CADPS: variants seen among roughly 807,000 people sequenced by gnomAD.
The protein encoded by CADPS is calcium dependent secretion activator.
CADPS carries 57 observed loss-of-function variants against 167.3 expected under a neutral mutation model. The observed-to-expected ratio is 0.34, with a 90% CI of 0.28 to 0.42. CADPS has a LOEUF of 0.42. Among genes scored for constraint, CADPS ranks in the 20% least tolerant of loss-of-function variants. The probability of loss-of-function intolerance (pLI) is 1.00; values close to 1 mark genes in which losing one functional copy is unlikely to be tolerated. For synonymous variants in CADPS, 676 were observed against 635.3 expected (o/e 1.06, Z -0.96); for missense variants, 1,414 against 1,738.1 (o/e 0.81, Z 3.32).
At chr3:62,594,134 T>C (rs916009379) in intron 6 of CADPS, among the ~76,000 whole-genome samples, 12 of 150,108 alleles carry the variant, frequency 8.0e-5, no homozygotes, top group African/African-American at 1.2e-4. Context: ...TTTTTTATTT[T>C]TTTTATTTAT....
At chr3:62,441,248 A>G (rs1168338894) in intron 27 of CADPS, 1 of 152,236 alleles carries the variant, frequency 6.6e-6, no homozygotes, top group Non-Finnish European at 1.5e-5. Flanking sequence ...GACTGATTGA[A>G]TATGACACAG....
At chr3:62,419,217 A>G (rs1528197) in intron 28 of CADPS, among the ~76,000 whole-genome samples, 66,719 of 151,974 alleles carry the variant, frequency 0.44, 14,921 homozygotes, top group African/African-American at 0.46. Context: ...TTAAGCCCCA[A>G]TCAGCTTCTA....
chr3:62,772,419 C>G (rs927314222), intron 1 of CADPS, among the ~76,000 whole-genome samples: 4 of 152,134 alleles, frequency 2.6e-5, no homozygotes, highest in Admixed American at 2.6e-4. Context: ...AATGAACATA[C>G]TTGGTGGTAT....
chr3:62,635,646 GTTT>G (rs67151220), intron 6 of CADPS, among the ~76,000 whole-genome samples: 52,684 of 144,214 alleles, frequency 0.37, 9,725 homozygotes, highest in Non-Finnish European at 0.41. Context: ...GGCTTTCTCT[GTTT>G]TTTTTTTTTT....
At chr3:62,866,665 A>G (rs1302791496) in intron 1 of CADPS, among the ~76,000 whole-genome samples, 1 of 152,090 alleles carries the variant, frequency 6.6e-6, no homozygotes, top group Non-Finnish European at 1.5e-5. Flanking sequence ...ACATTTTGCA[A>G]TAAGAAACAG....
intron 1 of CADPS, among the ~76,000 whole-genome samples, chr3:62,829,100 T>C (rs1162156637): frequency 1.3e-5 from 2 of 152,190 alleles, no homozygotes; most frequent in Non-Finnish European, 2.9e-5. Context: ...TGATGACTAA[T>C]GGTTTAAAAG....
At chr3:62,766,590 T>C (rs1290316289) in intron 1 of CADPS, among the ~76,000 whole-genome samples, 1 of 152,222 alleles carries the variant, frequency 6.6e-6, no homozygotes, top group Admixed American at 6.5e-5. Flanking sequence ...GGTACATCCA[T>C]GATCACATGA....
chr3:62,587,492 T>C (rs1038567248), intron 7 of CADPS, among the ~76,000 whole-genome samples: 1 of 151,896 alleles, frequency 6.6e-6, no homozygotes, highest in Admixed American at 6.6e-5. Flanking sequence ...CTGAGAGAGG[T>C]AGGGGTGAGA....
chr3:62,793,228 TAACA>T (rs949267300), intron 1 of CADPS, among the ~76,000 whole-genome samples: 4 of 152,162 alleles, frequency 2.6e-5, no homozygotes, highest in Non-Finnish European at 5.9e-5. Flanking sequence ...TGTGAAACAT[TAACA>T]AACAAAATTT....
chr3:62,416,032 A>T (rs2049997247), intron 28 of CADPS, among the ~76,000 whole-genome samples: 1 of 152,098 alleles, frequency 6.6e-6, no homozygotes, highest in Non-Finnish European at 1.5e-5. Flanking sequence ...TATTTTTCTC[A>T]GTGCTTCAGA....
At chr3:62,490,306 A>AAAAG (rs369297471) in intron 21 of CADPS, among the ~76,000 whole-genome samples, 2,407 of 152,078 alleles carry the variant, frequency 0.016, 58 homozygotes, top group African/African-American at 0.051. Flanking sequence ...TTTCCTTAAA[A>AAAAG]AAAGAAAGAA....
chr3:62,861,819 C>T (rs952345304), intron 1 of CADPS, among the ~76,000 whole-genome samples: 2 of 152,180 alleles, frequency 1.3e-5, no homozygotes, highest in African/African-American at 4.8e-5. Context: ...ATACTGGAAT[C>T]TTATACAATT....
intron 3 of CADPS, among the ~76,000 whole-genome samples, chr3:62,720,324 TG>T: frequency 6.9e-6 from 1 of 143,956 alleles, no homozygotes; most frequent in Admixed American, 6.7e-5. Flanking sequence ...TTTTTGCTTT[TG>T]TTTGTTTGTT....
chr3:62,536,684 A>C, intron 11 of CADPS, 103 bp from the exon 12 acceptor site: 1 of 1,203,706 alleles, frequency 8.3e-7, no homozygotes, highest in South Asian at 1.4e-5. Flanking sequence ...TATGAACGTT[A>C]GCTGTTTCCC....
intron 3 of CADPS, among the ~76,000 whole-genome samples, chr3:62,672,485 T>C (rs1215951909): frequency 6.6e-6 from 1 of 152,194 alleles, no homozygotes; most frequent in Non-Finnish European, 1.5e-5. Context: ...GCCATCTGGC[T>C]CCTGCACAGC....
At chr3:62,782,445 T>C (rs1034630589) in intron 1 of CADPS, among the ~76,000 whole-genome samples, 1 of 152,222 alleles carries the variant, frequency 6.6e-6, no homozygotes, top group African/African-American at 2.4e-5. Context: ...GCTACCATTC[T>C]AGTTGACGAT....
intron 1 of CADPS, among the ~76,000 whole-genome samples, chr3:62,862,119 A>C (rs2080909611): frequency 6.6e-6 from 1 of 152,142 alleles, no homozygotes; most frequent in Admixed American, 6.5e-5. Context: ...AAACATGAAA[A>C]ATCTAAATAT....
intron 11 of CADPS, among the ~76,000 whole-genome samples, chr3:62,539,461 G>T (rs956424066): frequency 6.6e-6 from 1 of 151,916 alleles, no homozygotes; most frequent in African/African-American, 2.4e-5. Context: ...TACAAGGGTG[G>T]CTGGCTCCCA....
At chr3:62,821,033 T>G (rs775958927) in intron 1 of CADPS, among the ~76,000 whole-genome samples, 8 of 152,112 alleles carry the variant, frequency 5.3e-5, no homozygotes, top group Non-Finnish European at 8.8e-5. Context: ...TCTCTTGACC[T>G]TCTGATCTAC....
Sources: allele counts gnomAD v4.1 joint callset (sites outside exome capture counted in the v4.1 genomes callset), GRCh38; gene constraint gnomAD v4.1.1; transcripts MANE v1.5; gene names NCBI Gene and HGNC (gene_info 2026-07-23, HGNC 2026-07-21).